GRIN3A: variants seen among roughly 807,000 people sequenced by gnomAD.
GRIN3A encodes glutamate ionotropic receptor NMDA type subunit 3A, also known as glutamate receptor ionotropic, NMDA 3A.
GRIN3A carries 47 observed loss-of-function variants against 92.4 expected under a neutral mutation model. The observed-to-expected ratio is 0.51, with a 90% CI of 0.40 to 0.65. The LOEUF (loss-of-function observed/expected upper bound fraction) is 0.65, where lower values mean the gene tolerates loss of function less well. Ranked by LOEUF, GRIN3A falls within the 30% of genes least tolerant of loss-of-function variation. GRIN3A has a pLI of 0.00. For synonymous variants in GRIN3A, 527 were observed against 540.6 expected (o/e 0.97, Z 0.35); for missense variants, 1,324 against 1,393.1 (o/e 0.95, Z 0.79).
intron 4 of GRIN3A, among the ~76,000 whole-genome samples, chr9:101,624,043 A>G (rs1208006161): frequency 6.6e-6 from 1 of 152,194 alleles, no homozygotes; most frequent in Non-Finnish European, 1.5e-5. Context: ...GCCACTTCCA[A>G]TTCTTTTTGG....
chr9:101,637,285 G>A (rs371128569), intron 3 of GRIN3A, among the ~76,000 whole-genome samples: 2 of 152,030 alleles, frequency 1.3e-5, no homozygotes, highest in Admixed American at 1.3e-4. Flanking sequence ...AGTAGAGATG[G>A]GGTTTCACCA....
At chr9:101,653,512 T>C (rs1447580606) in intron 3 of GRIN3A, among the ~76,000 whole-genome samples, 1 of 151,922 alleles carries the variant, frequency 6.6e-6, no homozygotes, top group Non-Finnish European at 1.5e-5. Flanking sequence ...AATCCTATCA[T>C]TTTTTATTTT....
chr9:101,618,163 G>A lies in GRIN3A; in HGVS notation c.2615-4636C>T, dbSNP rs565258268. Among the ~76,000 whole-genome samples the A allele has an allele frequency of 1.3e-3, 194 of 150,836 alleles. 2 individuals are homozygous for A. The highest frequency in any genetic ancestry group is 4.5e-3 in the African/African-American group (180 of 40,376). ...CATGTCTAAAACACCAAAAGCAATG[G>A]CAACAAAAGACAAAATTGACAAATG... On this transcript the variant is annotated intron_variant, in intron 5 of 8. Transcript: ENST00000361820.
chr9:101,702,516 A>G (rs1829768780), intron 1 of GRIN3A, among the ~76,000 whole-genome samples: 1 of 152,020 alleles, frequency 6.6e-6, no homozygotes, highest in Admixed American at 6.6e-5. Flanking sequence ...TCTCAGTCTC[A>G]TAGGCCTTGT....
At chr9:101,730,096 C>G (rs1830120611) in intron 1 of GRIN3A, among the ~76,000 whole-genome samples, 3 of 152,112 alleles carry the variant, frequency 2.0e-5, no homozygotes, top group Admixed American at 2.0e-4. Context: ...TGCTGCAAAA[C>G]TCCAACCACC....
At chr9:101,697,963 C>A (rs933407747) in intron 1 of GRIN3A, among the ~76,000 whole-genome samples, 2 of 152,140 alleles carry the variant, frequency 1.3e-5, no homozygotes, top group Non-Finnish European at 2.9e-5. Context: ...CTAAAACATG[C>A]ACACTCCAAC....
rs770358010 is a variant in GRIN3A at position 101,594,493 on chromosome 9, A to C, written c.2767-15133T>G. On this transcript the variant is annotated intron_variant, in intron 6 of 8. Transcript: ENST00000361820. Reference sequence around the variant, plus strand: ...CCTCAAAGGATATCTTCCCATCGCCATCCTTGTCCAGGATGATGATGGTTT... The same window carrying C: ...CCTCAAAGGATATCTTCCCATCGCCCTCCTTGTCCAGGATGATGATGGTTT... The C allele has an allele frequency of 6.8e-6, 11 of 1,614,094 alleles. No individual in the cohort carries two copies. In the African/African-American group the frequency reaches 1.5e-4, roughly 22 times the overall value.
intron 6 of GRIN3A, among the ~76,000 whole-genome samples, chr9:101,588,760 C>A (rs1422159857): frequency 6.6e-6 from 1 of 151,806 alleles, no homozygotes; most frequent in African/African-American, 2.4e-5. Flanking sequence ...TTTAAAAGAA[C>A]TTATTTTCTA....
intron 3 of GRIN3A, among the ~76,000 whole-genome samples, chr9:101,665,156 GT>G (rs1033918711): frequency 8.6e-5 from 13 of 151,896 alleles, no homozygotes; most frequent in African/African-American, 3.1e-4. Context: ...CAGAAATGTA[GT>G]TTTAAGAAAA....
At chr9:101,595,964 A>T (rs1320538569) in intron 6 of GRIN3A, among the ~76,000 whole-genome samples, 1 of 152,208 alleles carries the variant, frequency 6.6e-6, no homozygotes, top group Admixed American at 6.5e-5. Context: ...TTGAAGACTA[A>T]TCTCACATGC....
At chr9:101,585,231 A>G (rs901278151) in intron 6 of GRIN3A, among the ~76,000 whole-genome samples, 3 of 152,174 alleles carry the variant, frequency 2.0e-5, no homozygotes, top group African/African-American at 7.2e-5. Flanking sequence ...CTTCTTTGGT[A>G]TAGTTTCTTA....
intron 1 of GRIN3A, among the ~76,000 whole-genome samples, chr9:101,712,967 G>T (rs1242482359): frequency 6.6e-6 from 1 of 152,156 alleles, no homozygotes; most frequent in South Asian, 2.1e-4. Context: ...GGAAACTAAG[G>T]CATAGAGAGC....
intron 2 of GRIN3A, among the ~76,000 whole-genome samples, chr9:101,679,660 T>G (rs1257085835): frequency 6.6e-6 from 1 of 152,154 alleles, no homozygotes; most frequent in Admixed American, 6.5e-5. Context: ...ATGTCTTTTC[T>G]AGAAGTATCA....
chr9:101,661,775 C>T (rs1354111435), intron 3 of GRIN3A, among the ~76,000 whole-genome samples: 2 of 151,718 alleles, frequency 1.3e-5, no homozygotes, highest in Admixed American at 6.6e-5. Flanking sequence ...GCTCTTGATC[C>T]AAATGGCCAA....
chr9:101,640,763 GGTTC>G (rs745761983), intron 3 of GRIN3A, among the ~76,000 whole-genome samples: 5 of 152,144 alleles, frequency 3.3e-5, no homozygotes, highest in Non-Finnish European at 7.3e-5. Flanking sequence ...ATAAAGAGGA[GGTTC>G]CCTGCACAGG....
At chr9:101,590,388 A>ATTTT (rs1303974321) in intron 6 of GRIN3A, among the ~76,000 whole-genome samples, 18 of 92,348 alleles carry the variant, frequency 1.9e-4, no homozygotes, top group African/African-American at 7.0e-4. Flanking sequence ...TTATTTATTT[A>ATTTT]TTTATTTTTT....
chr9:101,724,422 C>T (rs1389856632), intron 1 of GRIN3A, among the ~76,000 whole-genome samples: 1 of 152,200 alleles, frequency 6.6e-6, no homozygotes, highest in African/African-American at 2.4e-5. Context: ...CGGGGCCCGC[C>T]AAGCCCACGC....
At chr9:101,588,785 T>C (rs1827982294) in intron 6 of GRIN3A, among the ~76,000 whole-genome samples, 1 of 151,560 alleles carries the variant, frequency 6.6e-6, no homozygotes, top group Non-Finnish European at 1.5e-5. Context: ...ACTATTTTAA[T>C]ATTTCTAAAA....
intron 1 of GRIN3A, among the ~76,000 whole-genome samples, chr9:101,736,622 C>T (rs909780305): frequency 2.6e-5 from 4 of 152,122 alleles, no homozygotes; most frequent in Admixed American, 6.6e-5. Flanking sequence ...AAATAAATCT[C>T]CCCGTCCATC....
Sources: allele counts gnomAD v4.1 joint callset (sites outside exome capture counted in the v4.1 genomes callset), GRCh38; gene constraint gnomAD v4.1.1; transcripts MANE v1.5; gene names NCBI Gene and HGNC (gene_info 2026-07-23, HGNC 2026-07-21).